Variants in SLC27A6 observed in about 807,000 individuals in gnomAD.
SLC27A6 encodes the protein solute carrier family 27 member 6, also known as long-chain fatty acid transport protein 6.
Under a neutral mutation model 63.9 loss-of-function variants are expected in SLC27A6, and 74 were observed. The ratio of observed to expected loss-of-function variants is 1.16; its 90% CI spans 0.96 to 1.40. The LOEUF (loss-of-function observed/expected upper bound fraction) is 1.40, where lower values mean the gene tolerates loss of function less well. Among genes scored for constraint, SLC27A6 ranks in the 40% most tolerant of loss-of-function variants. SLC27A6 has a pLI of 0.00. For missense variants in SLC27A6, 794 were observed against 732.9 expected, an observed-to-expected ratio of 1.08 and a Z score of -0.96; for synonymous variants, 287 against 260.8, an observed-to-expected ratio of 1.10 and a Z score of -0.97.
chr5:129,019,136 T>TG (rs1273712417), intron 5 of SLC27A6, among the ~76,000 whole-genome samples: 2 of 152,094 alleles, frequency 1.3e-5, no homozygotes, highest in African/African-American at 4.8e-5. Context: ...TATAACCCAT[T>TG]GTCTTTATGT....
chr5:129,005,608 A>ATTT lies in SLC27A6; in HGVS notation c.970-10259_970-10257dup, dbSNP rs34048257. On this transcript the variant is annotated intron_variant, in intron 4 of 9. Coordinates refer to ENST00000262462, the MANE Select transcript of SLC27A6 (RefSeq NM_001017372.3). The stretch of plus-strand genomic sequence containing the variant: ...ATGATCCATAAATAGGTCTGGTTGT[A>ATTT]TTTTTTTTTTTTTTTTTTTTGCGAG... Among the ~76,000 whole-genome samples, 252 of 98,912 alleles carry ATTT rather than the reference A, an allele frequency of 2.5e-3. 6 individuals carry two copies. Among genetic ancestry groups the ATTT allele is most frequent in the East Asian group, 7.2e-3 (24 of 3,350 alleles). 64.9% of individuals were successfully genotyped at this position (98,912 alleles called of 152,430 possible). A position where few individuals can be genotyped will look rare whatever the true frequency, so the allele number is the denominator to read the frequency against.
At chr5:129,003,404 A>G (rs761487971) in intron 4 of SLC27A6, among the ~76,000 whole-genome samples, 11 of 152,200 alleles carry the variant, frequency 7.2e-5, no homozygotes, top group Non-Finnish European at 1.6e-4. Flanking sequence ...CAGGTTTCCA[A>G]TCAGGTCCAT....
At chr5:128,990,856 C>T (rs184559476) in intron 4 of SLC27A6, among the ~76,000 whole-genome samples, 3 of 152,310 alleles carry the variant, frequency 2.0e-5, no homozygotes, top group Admixed American at 6.5e-5. Flanking sequence ...CGATTGGGAG[C>T]GGCAATGGGC....
chr5:129,013,921 C>A (rs1751808759), intron 4 of SLC27A6, among the ~76,000 whole-genome samples: 1 of 152,124 alleles, frequency 6.6e-6, no homozygotes, highest in South Asian at 2.1e-4. Flanking sequence ...TGCCTGATGG[C>A]ACATGGCTGG....
chr5:129,007,117 ATAT>A (rs1417607244), intron 4 of SLC27A6, among the ~76,000 whole-genome samples: 36 of 152,128 alleles, frequency 2.4e-4, no homozygotes, highest in African/African-American at 8.2e-4. Flanking sequence ...TTAATTTGAA[ATAT>A]TAATAAGAGC....
At chr5:129,001,733 C>A (rs1387901405) in intron 4 of SLC27A6, among the ~76,000 whole-genome samples, 1 of 152,094 alleles carries the variant, frequency 6.6e-6, no homozygotes, top group African/African-American at 2.4e-5. Context: ...TATAAAATTA[C>A]CTGTATTTAA....
At chr5:129,032,484 T>C (rs984704469) in intron 9 of SLC27A6, among the ~76,000 whole-genome samples, 1 of 152,050 alleles carries the variant, frequency 6.6e-6, no homozygotes, top group Non-Finnish European at 1.5e-5. Flanking sequence ...CATCATTGAA[T>C]GTATTACAAA....
Position 129,023,565 on chromosome 5 carries a change from A to G in SLC27A6, c.1165-55A>G, listed in dbSNP as rs1328110141. On this transcript the variant is annotated intron_variant, in intron 5 of 9. Coordinates refer to ENST00000262462, the MANE Select transcript of SLC27A6 (RefSeq NM_001017372.3). ...GACTAAATTGCTTGTACAAGTAACT[A>G]AATGCACAAGTAACTAAATGCTTGT... 18 of 1,279,830 alleles carry G rather than the reference A, an allele frequency of 1.4e-5. 1 individual carries two copies. The East Asian group carries it at 4.2e-4, about 30-fold the overall frequency. The allele number at this position is 1,279,830 out of a possible 1,614,324, so 79.3% of individuals were successfully genotyped here.
chr5:129,023,471 T>A, intron 5 of SLC27A6, 149 bp from the exon 6 acceptor site: 1 of 504,104 alleles, frequency 2.0e-6, no homozygotes. Context: ...TAATTTGTCT[T>A]CAGTAAAAGT....
intron 1 of SLC27A6, among the ~76,000 whole-genome samples, chr5:128,980,409 G>A (rs1750542648): frequency 6.6e-6 from 1 of 152,228 alleles, no homozygotes; most frequent in African/African-American, 2.4e-5. Flanking sequence ...GTCAGAAGCA[G>A]TGTTTGAATC....
chr5:129,007,644 A>G lies in SLC27A6; in HGVS notation c.970-8241A>G, dbSNP rs74382922. Among the ~76,000 whole-genome samples the G allele has an allele frequency of 5.2e-3, 786 of 152,180 alleles. 13 individuals are homozygous for G. Among genetic ancestry groups the G allele is most frequent in the African/African-American group, 0.018 (746 of 41,546 alleles). On this transcript the variant is annotated intron_variant, in intron 4 of 9. Transcript: ENST00000262462. ...GTCATTTTAAATTAAATGAAATGTC[A>G]TATTTCTAAGAATTCTTCATTGAAG... is the stretch of plus-strand genomic sequence containing the variant.
intron 1 of SLC27A6, 28 bp downstream of exon 1, chr5:128,966,646 A>C: frequency 6.9e-7 from 1 of 1,455,530 alleles, no homozygotes; most frequent in Non-Finnish European, 9.0e-7. Context: ...GTCTGCCTAT[A>C]CAGAATGGCA....
intron 2 of SLC27A6, among the ~76,000 whole-genome samples, chr5:128,986,513 C>G (rs1187433458): frequency 2.0e-5 from 3 of 152,080 alleles, no homozygotes; most frequent in Non-Finnish European, 4.4e-5. Flanking sequence ...TAAAATTTTT[C>G]TTACATTTTA....
intron 2 of SLC27A6, among the ~76,000 whole-genome samples, chr5:128,987,601 C>G (rs901611885): frequency 1.3e-5 from 2 of 151,640 alleles, no homozygotes; most frequent in African/African-American, 2.4e-5. Flanking sequence ...AAAAAAGTGT[C>G]AATAATATAA....
intron 8 of SLC27A6, 140 bp from the exon 9 acceptor site, chr5:129,029,437 C>T (rs1463483086): frequency 6.9e-6 from 4 of 581,554 alleles, no homozygotes; most frequent in Non-Finnish European, 1.2e-5. Context: ...GGGAAGGATA[C>T]AGACTAGTTT....
intron 4 of SLC27A6, among the ~76,000 whole-genome samples, 186 bp downstream of exon 4, chr5:128,990,650 C>T (rs1219114089): frequency 6.6e-6 from 1 of 152,184 alleles, no homozygotes; most frequent in Non-Finnish European, 1.5e-5. Flanking sequence ...GGTGGCAAGC[C>T]TTGTGTTCTC....
intron 5 of SLC27A6, among the ~76,000 whole-genome samples, chr5:129,023,132 A>G (rs913229471): frequency 3.3e-5 from 5 of 152,114 alleles, no homozygotes; most frequent in Non-Finnish European, 5.9e-5. Context: ...TGTCAAGTAA[A>G]CATACTTTTT....
intron 4 of SLC27A6, among the ~76,000 whole-genome samples, chr5:129,010,962 T>A (rs1229364757): frequency 6.6e-6 from 1 of 152,148 alleles, no homozygotes; most frequent in East Asian, 1.9e-4. Context: ...GGGCCTAGGT[T>A]TATGGAAATT....
rs1749865308 is a variant in SLC27A6, at chr5:128,965,888, CT to C, written c.-249del. 1 of 382,692 alleles carries C rather than the reference CT, an allele frequency of 2.6e-6. No individual in the cohort carries two copies. Among genetic ancestry groups the C allele is most frequent in the Non-Finnish European group, 4.7e-6 (1 of 214,834 alleles). 23.7% of individuals were successfully genotyped at this position (382,692 alleles called of 1,614,324 possible). A position where few individuals can be genotyped will look rare whatever the true frequency, so the allele number is the denominator to read the frequency against. On this transcript the variant is annotated 5_prime_UTR_variant, in exon 1 of 10. Transcript: ENST00000262462. ...GTTTCTCGCAGGAGTCGGAGGCTCC[CT>C]GCTTTCCAGCCGCCCAGTGACCCAA...
Sources: allele counts gnomAD v4.1 joint callset (sites outside exome capture counted in the v4.1 genomes callset), GRCh38; gene constraint gnomAD v4.1.1; transcripts MANE v1.5; gene names NCBI Gene and HGNC (gene_info 2026-07-23, HGNC 2026-07-21).